PTPRJ: variants seen among roughly 807,000 people sequenced by gnomAD.
The protein encoded by PTPRJ is protein tyrosine phosphatase receptor type J, also known as receptor-type tyrosine-protein phosphatase eta.
A neutral mutation model predicts 141.3 loss-of-function variants in PTPRJ; 129 were observed. The ratio of observed to expected loss-of-function variants is 0.91; its 90% confidence interval spans 0.79 to 1.06. PTPRJ has a LOEUF of 1.06. Among genes scored for constraint, PTPRJ ranks in the 50% least tolerant of loss-of-function variants. The pLI is 0.00. For missense variants in PTPRJ, 1,601 were observed against 1,679.7 expected (o/e 0.95, Z 0.82); for synonymous variants, 610 against 640.5 (o/e 0.95, Z 0.72).
At chr11:48,055,808 T>C (rs1854737809) in intron 1 of PTPRJ, among the ~76,000 whole-genome samples, 1 of 152,232 alleles carries the variant, frequency 6.6e-6, no homozygotes, top group Non-Finnish European at 1.5e-5. Context: ...CGCTGCTAGC[T>C]TGCTTGGCTC....
At chr11:48,099,248 C>T (rs191608308) in intron 1 of PTPRJ, among the ~76,000 whole-genome samples, 132 of 152,308 alleles carry the variant, frequency 8.7e-4, no homozygotes, top group African/African-American at 2.7e-3. Context: ...CAAATGCAGC[C>T]ACTGCTTGTT....
chr11:48,153,866 G>T lies in PTPRJ; in HGVS notation c.3209G>T (p.Arg1070Leu). The T allele has an allele frequency of 3.7e-6, 6 of 1,612,470 alleles. No homozygotes were observed. Among genetic ancestry groups the T allele is most frequent in the Non-Finnish European group, 5.1e-6 (6 of 1,178,600 alleles). ...AELAENRGKN[R>L]YNNVLPYDIS... ...CTGGCTGAGAATAGAGGAAAGAATCGCTATAATAATGTTCTGCCCTGTAAG... is the reference window on the plus strand; with the variant it reads ...CTGGCTGAGAATAGAGGAAAGAATCTCTATAATAATGTTCTGCCCTGTAAG... Residue 1070 changes from arginine to leucine, a missense_variant, in exon 19 of 25, where the codon CGC (arginine) becomes CTC (leucine). Transcript: ENST00000418331.
At chr11:48,020,244 C>T (rs1228029) in intron 1 of PTPRJ, among the ~76,000 whole-genome samples, 2,519 of 152,268 alleles carry the variant, frequency 0.017, 68 homozygotes, top group African/African-American at 0.057. Flanking sequence ...CTCCACCTTG[C>T]GTCTTACTTG....
chr11:48,064,708 A>G (rs1334405691), intron 1 of PTPRJ, among the ~76,000 whole-genome samples: 4 of 151,954 alleles, frequency 2.6e-5, no homozygotes, highest in East Asian at 1.9e-4. Context: ...GGTTCAAGCA[A>G]TTCTCCTGCC....
At chr11:48,071,902 A>G (rs1235858758) in intron 1 of PTPRJ, among the ~76,000 whole-genome samples, 21 of 82,552 alleles carry the variant, frequency 2.5e-4, no homozygotes, top group African/African-American at 1.0e-3. Context: ...ACGCCTGGCC[A>G]TTTTTTTTTT....
At chr11:48,136,412 T>A in intron 9 of PTPRJ, 116 bp downstream of exon 9, 1 of 1,298,998 alleles carries the variant, frequency 7.7e-7, no homozygotes, top group South Asian at 1.4e-5. Flanking sequence ...CTGAAACTGC[T>A]GAAGTTGAAA....
At chr11:48,150,720 T>C (rs1289316060) in intron 18 of PTPRJ, among the ~76,000 whole-genome samples, 2 of 152,192 alleles carry the variant, frequency 1.3e-5, no homozygotes, top group Non-Finnish European at 2.9e-5. Flanking sequence ...ACAAGGAATT[T>C]CTTGGCCAGT....
intron 10 of PTPRJ, among the ~76,000 whole-genome samples, chr11:48,139,166 G>A (rs1441544017): frequency 1.3e-5 from 2 of 152,130 alleles, no homozygotes; most frequent in Non-Finnish European, 2.9e-5. Context: ...ATGAGATGGT[G>A]CAAGTGAGGA....
intron 10 of PTPRJ, among the ~76,000 whole-genome samples, chr11:48,137,763 T>C (rs1324867948): frequency 6.6e-6 from 1 of 151,886 alleles, no homozygotes; most frequent in African/African-American, 2.4e-5. Flanking sequence ...CAGGAGGATA[T>C]AGGTGGGAGG....
intron 1 of PTPRJ, 127 bp downstream of exon 1, chr11:47,981,135 C>G (rs1426916932): frequency 3.0e-6 from 3 of 1,004,968 alleles, no homozygotes; most frequent in Non-Finnish European, 3.7e-6. Flanking sequence ...TCCCCGGATC[C>G]CCGGAAGGCG....
chr11:48,155,006 A>G (rs537659416), intron 19 of PTPRJ, among the ~76,000 whole-genome samples: 6 of 152,294 alleles, frequency 3.9e-5, no homozygotes, highest in Admixed American at 6.5e-5. Flanking sequence ...AGGGTGAGGT[A>G]GTACAATCAG....
intron 1 of PTPRJ, among the ~76,000 whole-genome samples, chr11:48,079,037 A>G (rs1855491558): frequency 6.6e-6 from 1 of 152,046 alleles, no homozygotes; most frequent in Admixed American, 6.5e-5. Flanking sequence ...GACGGGCAGG[A>G]TCAAGGGACA....
intron 2 of PTPRJ, 48 bp from the exon 3 acceptor site, chr11:48,112,699 T>G: frequency 7.1e-7 from 1 of 1,411,188 alleles, no homozygotes; most frequent in Non-Finnish European, 1.0e-6. Flanking sequence ...CATCCCTGTC[T>G]CCTGGAGAAA....
intron 3 of PTPRJ, among the ~76,000 whole-genome samples, chr11:48,117,880 CATT>C (rs2134334806): frequency 6.6e-6 from 1 of 152,072 alleles, no homozygotes; most frequent in Non-Finnish European, 1.5e-5. Flanking sequence ...AGAAATGAGA[CATT>C]ATAAACTGAT....
intron 1 of PTPRJ, among the ~76,000 whole-genome samples, chr11:48,014,186 C>T (rs1854891242): frequency 6.6e-6 from 1 of 152,106 alleles, no homozygotes; most frequent in African/African-American, 2.4e-5. Context: ...TCATTTAGAA[C>T]CCCCTGGGAT....
rs758186446 is a variant in PTPRJ at position 48,144,842 on chromosome 11, C to G, written c.2743C>G (p.Leu915Val). 2.5e-6 allele frequency: 4 copies of G among 1,614,090 alleles called. No homozygotes were observed. The highest frequency in any genetic ancestry group is 2.7e-5 in the African/African-American group (2 of 74,938). Residue 915 changes from leucine to valine, a missense_variant, in exon 13 of 25, where the codon CTT becomes GTT. Transcript: ENST00000418331. ...TGACGTTGGGAATGAGTCAACCACACTTGGTTATTACAATGGGAAGCTGGA... is the reference window on the plus strand; with the variant it reads ...TGACGTTGGGAATGAGTCAACCACAGTTGGTTATTACAATGGGAAGCTGGA... ...EIDVGNESTT[L>V]GYYNGKLEPL...
chr11:48,048,947 C>G (rs77591307), intron 1 of PTPRJ, among the ~76,000 whole-genome samples: 112 of 152,306 alleles, frequency 7.4e-4, no homozygotes, highest in Non-Finnish European at 1.4e-3. Context: ...CAGTCACTGT[C>G]CAGGCTCACA....
chr11:48,021,433 A>G (rs1224083303), intron 1 of PTPRJ, among the ~76,000 whole-genome samples: 1 of 150,878 alleles, frequency 6.6e-6, no homozygotes, highest in Non-Finnish European at 1.5e-5. Flanking sequence ...AATAAAATAA[A>G]ATAAATAAAA....
At chr11:48,128,433 G>T (rs1169838987) in intron 7 of PTPRJ, among the ~76,000 whole-genome samples, 3 of 152,028 alleles carry the variant, frequency 2.0e-5, no homozygotes, top group Admixed American at 2.0e-4. Flanking sequence ...TTGTGTCTTG[G>T]GTGCTGACAT....
Sources: gnomAD v4.1 joint callset for allele counts (sites outside exome capture counted in the v4.1 genomes callset) on GRCh38, gnomAD v4.1.1 for gene constraint, MANE v1.5 for transcripts, NCBI Gene and HGNC (gene_info 2026-07-23, HGNC 2026-07-21) for gene names.